Variants in USF2 observed in about 807,000 individuals in gnomAD.
USF2 encodes upstream stimulatory factor 2.
Under a neutral mutation model 46.9 loss-of-function variants are expected in USF2, and 16 were observed. The ratio of observed to expected loss-of-function variants is 0.34; its 90% CI spans 0.23 to 0.52. The LOEUF (loss-of-function observed/expected upper bound fraction) is 0.52, where lower values mean the gene tolerates loss of function less well. Among genes scored for constraint, USF2 ranks in the 20% least tolerant of loss-of-function variants. The probability of loss-of-function intolerance (pLI) is 0.96; values close to 1 mark genes in which losing one functional copy is unlikely to be tolerated. For synonymous variants in USF2, 239 were observed against 194.1 expected (o/e 1.23, Z -1.92); for missense variants, 411 against 474.0 (o/e 0.87, Z 1.23).
chr19:35,270,509 G>A lies in USF2; in HGVS notation c.492G>A (p.Glu164=). ...CGGCGGCCGAGGCTGTCAGCGGGGA[G>A]GCACGATTTGCCTATTTCCCAGCGT... is the stretch of plus-strand genomic sequence containing the variant. The part of the protein sequence containing the change: ...GSPAAEAVSG[E]ARFAYFPASS... The change falls in exon 5 of 10, where the codon GAG becomes GAA. Residue 164 remains glutamate (E), a synonymous_variant. Coordinates refer to ENST00000222305, the MANE Select transcript of USF2 (RefSeq NM_003367.4). 1 of 1,614,170 alleles carries A rather than the reference G, an allele frequency of 6.2e-7. No homozygotes were observed. Among genetic ancestry groups the A allele is most frequent in the Non-Finnish European group, 8.5e-7 (1 of 1,180,018 alleles).
intron 7 of USF2, chr19:35,277,274 C>G (rs2066247434): frequency 6.5e-6 from 1 of 152,876 alleles, no homozygotes; most frequent in Non-Finnish European, 1.5e-5. Context: ...AAGCACTGAT[C>G]TTGGGCTATT....
chr19:35,274,897 C>T (rs1445458267), intron 7 of USF2, among the ~76,000 whole-genome samples: 2 of 152,336 alleles, frequency 1.3e-5, no homozygotes, highest in East Asian at 3.9e-4. Context: ...CCTTGCTGCC[C>T]TGTCAGAATC....
chr19:35,269,289 G>T (rs944013287), intron 1 of USF2, 126 bp downstream of exon 1: 7 of 876,410 alleles, frequency 8.0e-6, no homozygotes, highest in Middle Eastern at 5.9e-4. Flanking sequence ...CCGCCGGCGC[G>T]GGGGGGACCT....
At chr19:35,271,975 G>A (rs1290809610) in intron 7 of USF2, among the ~76,000 whole-genome samples, 2 of 152,156 alleles carry the variant, frequency 1.3e-5, no homozygotes, top group Non-Finnish European at 2.9e-5. Context: ...TGCTGGTTTG[G>A]TTGTGGGAGA....
chr19:35,274,826 C>T (rs903694007), intron 7 of USF2, among the ~76,000 whole-genome samples: 7 of 152,164 alleles, frequency 4.6e-5, no homozygotes, highest in African/African-American at 1.2e-4. Flanking sequence ...TTGTGGGGGG[C>T]CCCCAGTGAT....
chr19:35,271,004 C>T (rs1172999843), intron 6 of USF2, 79 bp from the exon 7 acceptor site: 54 of 1,569,172 alleles, frequency 3.4e-5, no homozygotes, highest in African/African-American at 4.1e-5. Flanking sequence ...AGATAATTTT[C>T]AAATCTAATA....
Position 35,279,297 on chromosome 19 carries a change from C to T in USF2, c.*41C>T, listed in dbSNP as rs544576279. The T allele has an allele frequency of 4.8e-6, 7 of 1,459,234 alleles. No homozygotes were observed. In the South Asian group the frequency reaches 8.4e-5, roughly 18 times the overall value. The allele number at this position is 1,459,234 out of a possible 1,614,324, so 90.4% of individuals were successfully genotyped here. A position where few individuals can be genotyped will look rare whatever the true frequency, so the allele number is the denominator to read the frequency against. ...CGCAGCCGCCGCCGCCCACGCCGGC[C>T]TCTGCTGCCCCCTTCCCCAGCCCTT... On this transcript the variant is annotated 3_prime_UTR_variant, in exon 10 of 10. Transcript: ENST00000222305.
chr19:35,276,605 CA>C (rs2066237058), intron 7 of USF2, among the ~76,000 whole-genome samples: 1 of 152,326 alleles, frequency 6.6e-6, no homozygotes, highest in African/African-American at 2.4e-5. Context: ...CCGATCTTTA[CA>C]ACCTTTTCCC....
chr19:35,273,454 C>A (rs992732766), intron 7 of USF2, among the ~76,000 whole-genome samples: 1 of 152,208 alleles, frequency 6.6e-6, no homozygotes, highest in Non-Finnish European at 1.5e-5. Context: ...AGGGCTGTCC[C>A]AGTTCCAAGT....
In USF2 at chr19:35,270,239, A is replaced by G. The variant is rs2145568978; in HGVS notation, c.430-208A>G. ...GTGTCTTAAGAGGAAAGTTTCTTAGAGTGCGAAACGGATTTGCTCAGCAAG... is the reference window on the plus strand; with the variant it reads ...GTGTCTTAAGAGGAAAGTTTCTTAGGGTGCGAAACGGATTTGCTCAGCAAG... On this transcript the variant is annotated intron_variant, in intron 4 of 9. Coordinates refer to ENST00000222305, the MANE Select transcript of USF2 (RefSeq NM_003367.4). 5 of 911,718 alleles carry G rather than the reference A, an allele frequency of 5.5e-6. No individual in the cohort carries two copies. In the East Asian group the frequency reaches 8.3e-5, roughly 15 times the overall value. 56.5% of individuals were successfully genotyped at this position (911,718 alleles called of 1,614,324 possible).
rs376795451 is a variant in USF2, at chr19:35,278,937, G to A, written c.823-9G>A. On this transcript the variant is annotated splice_polypyrimidine_tract_variant and intron_variant, in intron 8 of 9. Transcript: ENST00000222305. The stretch of plus-strand genomic sequence containing the variant: ...CTGCCCTAAGGCTCCTGGTCCCCTC[G>A]CCCCCCAGAGTAAAGGAGGGATCCT... 21 of 1,555,790 alleles carry A rather than the reference G, an allele frequency of 1.3e-5. No individual in the cohort carries two copies. The highest frequency in any genetic ancestry group is 1.7e-4 in the Middle Eastern group (1 of 5,720).
At position 35,271,069 on chromosome 19, in the gene USF2, TC is replaced by T. The variant is rs750197109; in HGVS notation, c.669-12del. The T allele has an allele frequency of 3.7e-6, 6 of 1,613,668 alleles. No homozygotes were observed. The highest frequency in any genetic ancestry group is 1.1e-5 in the South Asian group (1 of 91,036). On this transcript the variant is annotated splice_polypyrimidine_tract_variant and intron_variant, in intron 6 of 9. Transcript: ENST00000222305. The stretch of plus-strand genomic sequence containing the variant: ...CGATAATACATGCCCCCTTTTTTTT[TC>T]CTCCTCTTGTAGAAAAATTGATGGA...
rs754999369 is a variant in USF2 at position 35,278,682 on chromosome 19, ACT to A, written c.728-13_728-12del. On this transcript the variant is annotated splice_polypyrimidine_tract_variant and intron_variant, in intron 7 of 9. Coordinates refer to ENST00000222305, the MANE Select transcript of USF2 (RefSeq NM_003367.4). Reference sequence around the variant, plus strand: ...ATCCGTCAGCGAAGCCGTGGCTGTGACTCTGTTTTCCGCAGTGGAGCGGAGGC... The same window carrying A: ...ATCCGTCAGCGAAGCCGTGGCTGTGACTGTTTTCCGCAGTGGAGCGGAGGC... 2.2e-5 allele frequency: 35 copies of A among 1,612,688 alleles called. No homozygotes were observed. Among genetic ancestry groups the A allele is most frequent in the Admixed American group, 3.3e-5 (2 of 59,884 alleles).
At chr19:35,270,245 A>G (rs2066130939) in intron 4 of USF2, 1 of 942,126 alleles carries the variant, frequency 1.1e-6, no homozygotes, top group Non-Finnish European at 1.5e-6. Flanking sequence ...TTAGAGTGCG[A>G]AACGGATTTG....
At position 35,269,563 on chromosome 19, in the gene USF2, G is replaced by T; in HGVS notation, c.110-18G>T. On this transcript the variant is annotated intron_variant, in intron 2 of 9. Transcript: ENST00000222305. ...CTCGGCGCGGCCCTGACCGTGCCCC[G>T]ACCCTCCTCGGCCCCAGGCGGGGAC... 6.4e-7 allele frequency: 1 copy of T among 1,569,648 alleles called. No homozygotes were observed. The highest frequency in any genetic ancestry group is 8.6e-7 in the Non-Finnish European group (1 of 1,159,398).
At chr19:35,271,218 C>G (rs957967178) in intron 7 of USF2, 77 bp downstream of exon 7, 106 of 1,572,392 alleles carry the variant, frequency 6.7e-5, no homozygotes, top group Non-Finnish European at 9.0e-5. Flanking sequence ...TGTGGAGTGA[C>G]AGAGAGAGAA....
At chr19:35,278,883 T>C in intron 8 of USF2, 63 bp from the exon 9 acceptor site, 1 of 1,593,292 alleles carries the variant, frequency 6.3e-7, no homozygotes, top group Non-Finnish European at 8.6e-7. Context: ...TCGGGAGTCA[T>C]CCCTGGGGTG....
chr19:35,277,163 G>GTT (rs1410612728), intron 7 of USF2: 4 of 152,478 alleles, frequency 2.6e-5, no homozygotes, highest in Non-Finnish European at 4.4e-5. Context: ...CCCAAAGGCG[G>GTT]GTGTGGTTGT....
rs1386725368 is a variant in USF2 at position 35,269,531 on chromosome 19, G to T, written c.109+39G>T. On this transcript the variant is annotated intron_variant, in intron 2 of 9. Transcript: ENST00000222305. The stretch of plus-strand genomic sequence containing the variant: ...GGGCCGGCCGCGCCCGGGGAGGGCT[G>T]GGGGCGCTCGGCGCGGCCCTGACCG... The T allele has an allele frequency of 3.2e-6, 5 of 1,551,018 alleles. No individual in the cohort carries two copies. The South Asian group carries it at 5.9e-5, about 18-fold the overall frequency.
Sources: allele counts gnomAD v4.1 joint callset (sites outside exome capture counted in the v4.1 genomes callset), GRCh38; gene constraint gnomAD v4.1.1; transcripts MANE v1.5; gene names NCBI Gene and HGNC (gene_info 2026-07-23, HGNC 2026-07-21).